The following ZCWPW2 variants were observed in gnomAD, a reference collection of about 807,000 sequenced individuals.
The protein encoded by ZCWPW2 is zinc finger CW-type and PWWP domain containing 2.
Under a neutral mutation model 46.6 loss-of-function variants are expected in ZCWPW2, and 45 were observed. The ratio of observed to expected loss-of-function variants is 0.96; its 90% CI spans 0.76 to 1.24. ZCWPW2 has a LOEUF of 1.24. ZCWPW2 is among the 50% of genes most tolerant of loss of function. ZCWPW2 has a pLI of 0.00. For missense variants in ZCWPW2, 429 were observed against 403.9 expected, an observed-to-expected ratio of 1.06 and a Z score of -0.53; for synonymous variants, 152 against 137.1, an observed-to-expected ratio of 1.11 and a Z score of -0.76.
chr3:28,423,642 A>G (rs1696887841), intron 3 of ZCWPW2, among the ~76,000 whole-genome samples: 1 of 152,020 alleles, frequency 6.6e-6, no homozygotes, highest in Non-Finnish European at 1.5e-5. Flanking sequence ...CTGGAATTAC[A>G]GGCTTGAGCC....
chr3:28,490,453 A>G (rs979352683), intron 5 of ZCWPW2, among the ~76,000 whole-genome samples: 1 of 152,148 alleles, frequency 6.6e-6, no homozygotes, highest in Non-Finnish European at 1.5e-5. Flanking sequence ...GATAAAGAAA[A>G]TATGGTACAT....
intron 3 of ZCWPW2, among the ~76,000 whole-genome samples, chr3:28,432,836 A>G (rs995940084): frequency 6.6e-6 from 1 of 152,202 alleles, no homozygotes; most frequent in Non-Finnish European, 1.5e-5. Context: ...AAAAAAATAG[A>G]TATTACTGAG....
intron 4 of ZCWPW2, among the ~76,000 whole-genome samples, chr3:28,467,988 G>A (rs1201319364): frequency 6.6e-6 from 1 of 152,044 alleles, no homozygotes; most frequent in Non-Finnish European, 1.5e-5. Flanking sequence ...TAAAGCAACA[G>A]GGACTAATCC....
At chr3:28,483,407 A>G (rs1367047540) in intron 5 of ZCWPW2, among the ~76,000 whole-genome samples, 1 of 152,202 alleles carries the variant, frequency 6.6e-6, no homozygotes, top group Admixed American at 6.5e-5. Context: ...TAAGTCTTCA[A>G]GTTGGGTAGT....
chr3:28,373,070 C>G (rs1455441866), intron 1 of ZCWPW2, among the ~76,000 whole-genome samples: 1 of 152,142 alleles, frequency 6.6e-6, no homozygotes, highest in South Asian at 2.1e-4. Context: ...TTGATAGACA[C>G]TTAGGGTGAT....
At chr3:28,448,778 C>G (rs1698101541) in intron 4 of ZCWPW2, among the ~76,000 whole-genome samples, 1 of 87,212 alleles carries the variant, frequency 1.1e-5, no homozygotes, top group African/African-American at 4.3e-5. Flanking sequence ...AAGTGAGACT[C>G]TGTCTCAAAA....
intron 4 of ZCWPW2, among the ~76,000 whole-genome samples, chr3:28,470,510 A>AAAG (rs1553640009): frequency 4.2e-5 from 6 of 142,518 alleles, no homozygotes; most frequent in Non-Finnish European, 6.0e-5. Flanking sequence ...AAAAAAAAAA[A>AAAG]AAGGAAGGAA....
chr3:28,412,708 T>A (rs917674640), intron 2 of ZCWPW2, among the ~76,000 whole-genome samples: 4 of 152,072 alleles, frequency 2.6e-5, no homozygotes, highest in Non-Finnish European at 4.4e-5. Context: ...CAGCATTCAG[T>A]AAGGCTTAGC....
chr3:28,496,263 T>G (rs1009158267), intron 6 of ZCWPW2, among the ~76,000 whole-genome samples: 1 of 151,982 alleles, frequency 6.6e-6, no homozygotes, highest in African/African-American at 2.4e-5. Context: ...AAACTAAATA[T>G]TACTTACTAA....
intron 1 of ZCWPW2, among the ~76,000 whole-genome samples, chr3:28,375,829 T>C (rs1160011907): frequency 6.6e-6 from 1 of 151,806 alleles, no homozygotes; most frequent in East Asian, 1.9e-4. Flanking sequence ...TCTTCTACTC[T>C]CTATGTCCAT....
chr3:28,504,845 C>T (rs958767147), intron 6 of ZCWPW2, among the ~76,000 whole-genome samples: 25 of 152,170 alleles, frequency 1.6e-4, no homozygotes, highest in African/African-American at 4.8e-4. Context: ...TTCGTCCCTC[C>T]CCGGACACCC....
At chr3:28,374,755 T>G (rs1705448268) in intron 1 of ZCWPW2, among the ~76,000 whole-genome samples, 1 of 152,166 alleles carries the variant, frequency 6.6e-6, no homozygotes, top group Non-Finnish European at 1.5e-5. Flanking sequence ...GGGATTGCTT[T>G]CTTGAGTTCT....
At chr3:28,459,120 C>T (rs1698532225) in intron 4 of ZCWPW2, among the ~76,000 whole-genome samples, 1 of 152,124 alleles carries the variant, frequency 6.6e-6, no homozygotes, top group Non-Finnish European at 1.5e-5. Flanking sequence ...CCTGTAATCC[C>T]AGCACTTTGG....
intron 7 of ZCWPW2, 32 bp from the exon 8 acceptor site, chr3:28,515,522 T>C (rs1421568884): frequency 6.6e-7 from 1 of 1,515,432 alleles, no homozygotes; most frequent in South Asian, 1.2e-5. Context: ...GATTGATCTT[T>C]TGAAACTAAA....
At chr3:28,388,962 C>T (rs745573453) in intron 1 of ZCWPW2, among the ~76,000 whole-genome samples, 18 of 152,104 alleles carry the variant, frequency 1.2e-4, no homozygotes, top group Non-Finnish European at 1.8e-4. Context: ...AGCAGTATCC[C>T]AGTTTCTTTT....
chr3:28,445,561 A>G (rs187660282), intron 4 of ZCWPW2, among the ~76,000 whole-genome samples: 44 of 152,276 alleles, frequency 2.9e-4, no homozygotes, highest in African/African-American at 1.1e-3. Context: ...GCACAAGGAA[A>G]TGAGAGAGGA....
intron 2 of ZCWPW2, among the ~76,000 whole-genome samples, chr3:28,412,509 C>A (rs903439799): frequency 3.3e-5 from 5 of 151,952 alleles, no homozygotes; most frequent in African/African-American, 1.2e-4. Flanking sequence ...TGGGTAAGAT[C>A]ACAAACTTAG....
Position 28,512,759 on chromosome 3 carries a change from C to CT in ZCWPW2, c.658-1295dup, listed in dbSNP as rs201757320. Among the ~76,000 whole-genome samples the CT allele has an allele frequency of 2.7e-3, 396 of 148,690 alleles. 2 individuals carry two copies. Among genetic ancestry groups the CT allele is most frequent in the Middle Eastern group, 3.5e-3 (1 of 282 alleles). ...TTGAATTTTAAATTCAATGACTTGA[C>CT]TTTTTTTTTTGATTCTAGAAGTGCT... On this transcript the variant is annotated intron_variant, in intron 6 of 9. Transcript: ENST00000383768.
At chr3:28,488,963 T>C (rs1215210562) in intron 5 of ZCWPW2, among the ~76,000 whole-genome samples, 1 of 152,190 alleles carries the variant, frequency 6.6e-6, no homozygotes, top group African/African-American at 2.4e-5. Context: ...GTTTTAAGTA[T>C]TACATAAGAA....
Sources: allele counts gnomAD v4.1 joint callset (sites outside exome capture counted in the v4.1 genomes callset), GRCh38; gene constraint gnomAD v4.1.1; transcripts MANE v1.5; gene names NCBI Gene and HGNC (gene_info 2026-07-23, HGNC 2026-07-21).